Variants in CHCHD6 observed in about 807,000 individuals in gnomAD.
The protein encoded by CHCHD6 is coiled-coil-helix-coiled-coil-helix domain containing 6, also known as MICOS complex subunit MIC25.
Under a neutral mutation model 32.3 loss-of-function variants are expected in CHCHD6, and 28 were observed. The observed-to-expected ratio is 0.87, with a 90% CI of 0.64 to 1.19. The LOEUF (loss-of-function observed/expected upper bound fraction) is 1.19, where lower values mean the gene tolerates loss of function less well. Among genes scored for constraint, CHCHD6 ranks in the 50% most tolerant of loss-of-function variants. CHCHD6 has a pLI of 0.00. For missense variants in CHCHD6, 333 were observed against 307.0 expected, an observed-to-expected ratio of 1.08 and a Z score of -0.63; for synonymous variants, 122 against 117.5, an observed-to-expected ratio of 1.04 and a Z score of -0.25.
intron 1 of CHCHD6, among the ~76,000 whole-genome samples, chr3:126,721,112 C>G (rs1404914049): frequency 6.6e-6 from 1 of 152,206 alleles, no homozygotes; most frequent in Non-Finnish European, 1.5e-5. Flanking sequence ...CTCGTTCATT[C>G]CCTGCAGTCA....
intron 4 of CHCHD6, among the ~76,000 whole-genome samples, chr3:126,806,381 G>A (rs1339431565): frequency 6.6e-6 from 1 of 151,928 alleles, no homozygotes; most frequent in Admixed American, 6.6e-5. Context: ...TCAAAAAGTG[G>A]GCAAAGGATA....
intron 4 of CHCHD6, among the ~76,000 whole-genome samples, chr3:126,767,641 T>A (rs1937432238): frequency 6.6e-6 from 1 of 152,224 alleles, no homozygotes; most frequent in South Asian, 2.1e-4. Context: ...AGGTTTATTA[T>A]ATAGGTAAAC....
At chr3:126,919,317 CTTTTTTT>C (rs756862821) in intron 6 of CHCHD6, among the ~76,000 whole-genome samples, 8 of 68,130 alleles carry the variant, frequency 1.2e-4, no homozygotes, top group East Asian at 4.6e-4. Flanking sequence ...TTTCTTTTTT[CTTTTTTT>C]TTTTTTTTTG....
intron 4 of CHCHD6, among the ~76,000 whole-genome samples, chr3:126,835,212 C>T (rs1171803213): frequency 6.6e-6 from 1 of 152,128 alleles, no homozygotes; most frequent in East Asian, 1.9e-4. Flanking sequence ...CCCTATTCTC[C>T]AGTGTTGTCC....
intron 4 of CHCHD6, among the ~76,000 whole-genome samples, chr3:126,803,740 C>A (rs2107691976): frequency 6.6e-6 from 1 of 152,304 alleles, no homozygotes; most frequent in Non-Finnish European, 1.5e-5. Flanking sequence ...AACTCTCCAC[C>A]CCAGATCAAC....
chr3:126,890,097 C>A (rs1481672469), intron 5 of CHCHD6, among the ~76,000 whole-genome samples: 4 of 152,232 alleles, frequency 2.6e-5, no homozygotes, highest in Non-Finnish European at 4.4e-5. Flanking sequence ...CCAAGGTGCT[C>A]CAGCTCACTG....
chr3:126,827,045 G>C (rs1338469922), intron 4 of CHCHD6, among the ~76,000 whole-genome samples: 2 of 152,198 alleles, frequency 1.3e-5, no homozygotes, highest in Non-Finnish European at 2.9e-5. Context: ...GTAGGAGGAA[G>C]CTATGGTGTG....
chr3:126,788,949 G>A (rs137886828), intron 4 of CHCHD6, among the ~76,000 whole-genome samples: 8,693 of 152,178 alleles, frequency 0.057, 813 homozygotes, highest in African/African-American at 0.19. Flanking sequence ...GCTTTCTCTT[G>A]TGGGCATTTA....
At chr3:126,713,669 C>T (rs977467686) in intron 1 of CHCHD6, among the ~76,000 whole-genome samples, 15 of 152,082 alleles carry the variant, frequency 9.9e-5, no homozygotes, top group South Asian at 2.1e-4. Context: ...TCCTTTCTGC[C>T]CCATGAACAG....
intron 5 of CHCHD6, among the ~76,000 whole-genome samples, chr3:126,853,124 A>G (rs1941534706): frequency 1.3e-5 from 2 of 152,126 alleles, no homozygotes; most frequent in African/African-American, 4.8e-5. Context: ...ATACAAATAC[A>G]TTAAAGTTTT....
chr3:126,751,987 T>C (rs945402243), intron 4 of CHCHD6, among the ~76,000 whole-genome samples: 4 of 152,212 alleles, frequency 2.6e-5, no homozygotes, highest in African/African-American at 9.6e-5. Context: ...AATTCACTCA[T>C]CTAATGGCCG....
chr3:126,896,448 C>T (rs1190296326), intron 5 of CHCHD6, among the ~76,000 whole-genome samples: 1 of 152,188 alleles, frequency 6.6e-6, no homozygotes, highest in Non-Finnish European at 1.5e-5. Context: ...CTGCTCTATG[C>T]TTAGCTGTAT....
At chr3:126,706,433 C>T (rs1934491062) in intron 1 of CHCHD6, among the ~76,000 whole-genome samples, 1 of 152,012 alleles carries the variant, frequency 6.6e-6, no homozygotes, top group Admixed American at 6.6e-5. Context: ...TTCTGCAATT[C>T]CCCCCCATGA....
At chr3:126,785,322 C>CAGGGGGCAAAATCACCCT (rs1370673981) in intron 4 of CHCHD6, among the ~76,000 whole-genome samples, 4 of 152,188 alleles carry the variant, frequency 2.6e-5, no homozygotes, top group Non-Finnish European at 5.9e-5. Context: ...CACCCTGGGG[C>CAGGGGGCAAAATCACCCT]AGGGGGCAAA....
intron 4 of CHCHD6, among the ~76,000 whole-genome samples, chr3:126,808,958 G>C (rs1185805880): frequency 6.9e-6 from 1 of 145,066 alleles, no homozygotes; most frequent in Non-Finnish European, 1.5e-5. Flanking sequence ...CTGTTGCCAT[G>C]ACCTTTGAGT....
chr3:126,941,744 C>T (rs2078563461), intron 6 of CHCHD6, among the ~76,000 whole-genome samples: 3 of 152,170 alleles, frequency 2.0e-5, no homozygotes, highest in African/African-American at 7.2e-5. Context: ...GCTTCATCAC[C>T]TTTTCTCTCT....
At chr3:126,818,581 A>C (rs1162615670) in intron 4 of CHCHD6, among the ~76,000 whole-genome samples, 1 of 152,252 alleles carries the variant, frequency 6.6e-6, no homozygotes, top group East Asian at 1.9e-4. Flanking sequence ...TCACCATGGC[A>C]ACATGGTAGC....
chr3:126,720,767 T>G (rs1253900035), intron 1 of CHCHD6, among the ~76,000 whole-genome samples: 1 of 152,134 alleles, frequency 6.6e-6, no homozygotes, highest in Non-Finnish European at 1.5e-5. Flanking sequence ...ACGTTGCTCC[T>G]GCTGTCACTT....
rs143575855 is a variant in CHCHD6 at position 126,927,330 on chromosome 3, T to C, written c.566+12580T>C. 6.1e-3 allele frequency among the ~76,000 whole-genome samples: 931 copies of C among 152,284 alleles called. 9 individuals carry two copies. The highest frequency in any genetic ancestry group is 0.021 in the African/African-American group (888 of 41,550). ...GTGTGTGGAGCAAGGGCCCCCTAAC[T>C]GTCCCAGTGCCCAAACGAGGGGGCA... is the stretch of plus-strand genomic sequence containing the variant. On this transcript the variant is annotated intron_variant, in intron 6 of 7. Transcript: ENST00000290913.
Sources: gnomAD v4.1 joint callset for allele counts (sites outside exome capture counted in the v4.1 genomes callset) on GRCh38, gnomAD v4.1.1 for gene constraint, MANE v1.5 for transcripts, NCBI Gene and HGNC (gene_info 2026-07-23, HGNC 2026-07-21) for gene names.